SBNO2: variants seen among roughly 807,000 people sequenced by gnomAD.
SBNO2 encodes protein strawberry notch homolog 2.
In SBNO2, 89 loss-of-function variants were observed where a neutral mutation model predicts 146.3. The ratio of observed to expected loss-of-function variants is 0.61; its 90% CI spans 0.51 to 0.73. The LOEUF is 0.73. Among genes scored for constraint, SBNO2 ranks in the 30% least tolerant of loss-of-function variants. The pLI, the probability that SBNO2 is intolerant of heterozygous loss-of-function variation, is 0.00. For missense variants in SBNO2, 2,092 were observed against 2,003.7 expected, an observed-to-expected ratio of 1.04 and a Z score of -0.84; for synonymous variants, 1,147 against 892.6, an observed-to-expected ratio of 1.29 and a Z score of -5.08.
chr19:1,144,809 G>T lies in SBNO2; in HGVS notation c.279+2500C>A, dbSNP rs1470626451. On this transcript the variant is annotated intron_variant, in intron 4 of 31. Coordinates refer to ENST00000361757, the MANE Select transcript of SBNO2 (RefSeq NM_014963.3). This position sits in a 1 kb window ranked among gnomAD's most constrained non-coding sequence, Gnocchi z 4.1. ...ACAGAGACAGAGAGGGAGACAGAGA[G>T]ACAGAGACAGAGAGGGAGACAGAGA... Among the ~76,000 whole-genome samples, 1 of 151,018 alleles carries T rather than the reference G, an allele frequency of 6.6e-6. No individual in the cohort carries two copies. The highest frequency in any genetic ancestry group is 6.6e-5 in the Admixed American group (1 of 15,160).
At position 1,108,249 on chromosome 19, in the gene SBNO2, G is replaced by A. The variant is rs1157263320; in HGVS notation, c.4072C>T (p.Pro1358Ser). 6.6e-7 allele frequency: 1 copy of A among 1,526,642 alleles called. No homozygotes were observed. The highest frequency in any genetic ancestry group is 8.8e-7 in the Non-Finnish European group (1 of 1,135,110). 94.6% of individuals were successfully genotyped at this position (1,526,642 alleles called of 1,614,324 possible). Reference protein sequence around the residue: ...ERQSVIQFSPPFPGAQAPL With the variant: ...ERQSVIQFSPSFPGAQAPL The stretch of plus-strand genomic sequence containing the variant: ...AGAGGAGCCTGGGCGCCGGGGAAGG[G>A]TGGGCTGAACTGGATCACGCTCTGC... Residue 1358 changes from proline (P) to serine (S), a missense_variant, in exon 32 of 32, where the codon CCC (proline) becomes TCC (serine). Physicochemically the swap from Pro to Ser is moderately conservative, Grantham distance 74. Transcript: ENST00000361757.
At position 1,119,167 on chromosome 19, in the gene SBNO2, G is replaced by A. The variant is rs370299303; in HGVS notation, c.1374-3C>T. ...CGATCTCCATGGCGCCAACGCCCCT[G>A]CGGATGGACACAGCCCCCGTGAGCA... On this transcript the variant is annotated splice_region_variant and splice_polypyrimidine_tract_variant and intron_variant, in intron 13 of 31. Transcript: ENST00000361757. 3.2e-5 allele frequency: 51 copies of A among 1,593,474 alleles called. No homozygotes were observed. The highest frequency in any genetic ancestry group is 4.3e-5 in the Non-Finnish European group (50 of 1,172,632).
At chr19:1,128,215 G>T in intron 4 of SBNO2, 1 of 498,260 alleles carries the variant, frequency 2.0e-6, no homozygotes, top group Admixed American at 2.1e-5. Flanking sequence ...TCTGACTTCT[G>T]CAGCACCTGA....
rs79116708 is a variant in SBNO2 at position 1,147,032 on chromosome 19, C to T, written c.279+277G>A. ...GCATCTCTCCCAGCACCGCCCTCCC[C>T]GCAACTCCCTCTGTGGCATTGCCCA... is the stretch of plus-strand genomic sequence containing the variant. On this transcript the variant is annotated intron_variant, in intron 4 of 31. Coordinates refer to ENST00000361757, the MANE Select transcript of SBNO2 (RefSeq NM_014963.3). 2.0e-3 allele frequency among the ~76,000 whole-genome samples: 311 copies of T among 152,288 alleles called. 1 individual carries two copies. The highest frequency in any genetic ancestry group is 6.5e-3 in the African/African-American group (272 of 41,562).
At chr19:1,152,339 C>T (rs1293806697) in intron 2 of SBNO2, among the ~76,000 whole-genome samples, 1 of 152,216 alleles carries the variant, frequency 6.6e-6, no homozygotes, top group African/African-American at 2.4e-5. Context: ...ATTCCAGTTT[C>T]CTGCCACTAT....
rs544580270 is a variant in SBNO2 at position 1,126,821 on chromosome 19, G to A, written c.441+783C>T. Among the ~76,000 whole-genome samples the A allele has an allele frequency of 9.8e-5, 15 of 152,338 alleles. No homozygotes were observed. The highest frequency in any genetic ancestry group is 3.1e-4 in the African/African-American group (13 of 41,576). ...TTCTCTCGTGGACAGGCCCGGATTG[G>A]GGAAGGGACTTGCCAGGCCTGGCTC... On this transcript the variant is annotated intron_variant, in intron 5 of 31. Coordinates refer to ENST00000361757, the MANE Select transcript of SBNO2 (RefSeq NM_014963.3). This position sits in a 1 kb window ranked among gnomAD's most constrained non-coding sequence, Gnocchi z 4.4.
chr19:1,128,184 T>C, intron 4 of SBNO2: 1 of 488,742 alleles, frequency 2.0e-6, no homozygotes, highest in Non-Finnish European at 4.1e-6. Flanking sequence ...ACACCAACCC[T>C]CAGGGCCACG....
intron 1 of SBNO2, among the ~76,000 whole-genome samples, chr19:1,156,821 G>A (rs2080293747): frequency 6.6e-6 from 1 of 151,788 alleles, no homozygotes. Flanking sequence ...ATGCGTGGGT[G>A]CCGGGCTGGG....
chr19:1,165,248 C>G (rs1262945809), intron 1 of SBNO2, among the ~76,000 whole-genome samples: 2 of 152,156 alleles, frequency 1.3e-5, no homozygotes, highest in African/African-American at 2.4e-5. Context: ...CCCCACCAGG[C>G]ATGGTCAGCA....
rs923708523 is a variant in SBNO2, at chr19:1,140,134, C to T, written c.279+7175G>A. 6.6e-6 allele frequency among the ~76,000 whole-genome samples: 1 copy of T among 151,626 alleles called. No individual in the cohort carries two copies. The highest frequency in any genetic ancestry group is 1.5e-5 in the Non-Finnish European group (1 of 67,874). On this transcript the variant is annotated intron_variant, in intron 4 of 31. Transcript: ENST00000361757. This position sits in a 1 kb window ranked among gnomAD's most constrained non-coding sequence, Gnocchi z 4.4. ...CTAACACGGTGAAACCCCGTGTCCACTAAAAAACACAAAAAATTAGCTGGG... is the reference window on the plus strand; with the variant it reads ...CTAACACGGTGAAACCCCGTGTCCATTAAAAAACACAAAAAATTAGCTGGG...
At chr19:1,114,546 CT>C (rs1460793479) in intron 17 of SBNO2, 124 bp from the exon 18 acceptor site, 11 of 789,048 alleles carry the variant, frequency 1.4e-5, no homozygotes, top group Non-Finnish European at 2.1e-5. Context: ...CGAGAACCCC[CT>C]GCCTCTGGGC....
chr19:1,123,033 T>C lies in SBNO2; in HGVS notation c.641A>G (p.Lys214Arg). The C allele has an allele frequency of 1.3e-6, 2 of 1,592,170 alleles. No homozygotes were observed. Among genetic ancestry groups the C allele is most frequent in the Non-Finnish European group, 1.7e-6 (2 of 1,169,908 alleles). Residue 214 changes from lysine (K) to arginine (R), a missense_variant, in exon 8 of 32, where the codon AAG becomes AGG. Transcript: ENST00000361757. ...CTCCACCACGCGGTCTGGGTGCTGC[T>C]TCCCGATCTTGGCTGGAGGAGCAAG... ...DYVPSKSKIG[K>R]QHPDRVVETS...
chr19:1,160,974 G>C (rs541862332), intron 1 of SBNO2, among the ~76,000 whole-genome samples: 3 of 149,946 alleles, frequency 2.0e-5, no homozygotes, highest in African/African-American at 7.4e-5. Context: ...CCCGAGGACG[G>C]AAAGAAAGGG....
Position 1,139,658 on chromosome 19 carries a change from G to A in SBNO2, c.279+7651C>T, listed in dbSNP as rs557767363. ...AAAAATACAAAAATCAGCTGGGCGCGGTGGCGCACACCTGTAATCCCAGCT... is the reference window on the plus strand; with the variant it reads ...AAAAATACAAAAATCAGCTGGGCGCAGTGGCGCACACCTGTAATCCCAGCT... On this transcript the variant is annotated intron_variant, in intron 4 of 31. Transcript: ENST00000361757. 1.1e-4 allele frequency among the ~76,000 whole-genome samples: 16 copies of A among 152,276 alleles called. No individual in the cohort carries two copies. The South Asian group carries it at 2.3e-3, about 22-fold the overall frequency.
intron 4 of SBNO2, among the ~76,000 whole-genome samples, chr19:1,139,860 G>A (rs960354111): frequency 1.3e-5 from 2 of 152,056 alleles, no homozygotes; most frequent in African/African-American, 2.4e-5. Context: ...CAGGAGAATC[G>A]CTTGAACCTG....
chr19:1,108,747 G>A (rs117088896), intron 31 of SBNO2, 32 bp downstream of exon 31: 105,696 of 1,589,044 alleles, frequency 0.067, 4,139 homozygotes, highest in Non-Finnish European at 0.074. Context: ...CTGGGGGCTC[G>A]GGCCTTCCCG....
rs371964640 is a variant in SBNO2 at position 1,109,655 on chromosome 19, G to A, written c.3123+28C>T. 1.9e-6 allele frequency: 3 copies of A among 1,604,314 alleles called. No individual in the cohort carries two copies. Among genetic ancestry groups the A allele is most frequent in the African/African-American group, 2.7e-5 (2 of 74,734 alleles). ...GTGGTGGGGGCGGGGTGGGCAGAGT[G>A]TGAGGGGCTGTGGGGCTTCCTGCTG... On this transcript the variant is annotated intron_variant, in intron 27 of 31. Transcript: ENST00000361757. This position sits in a 1 kb window ranked among gnomAD's most constrained non-coding sequence, Gnocchi z 4.2.
At chr19:1,117,774 CAG>C (rs2145209916) in intron 14 of SBNO2, among the ~76,000 whole-genome samples, 1 of 152,378 alleles carries the variant, frequency 6.6e-6, no homozygotes, top group South Asian at 2.1e-4. Context: ...TCCAAGAACA[CAG>C]GGTGCTCGCA....
intron 18 of SBNO2, among the ~76,000 whole-genome samples, chr19:1,113,938 A>G (rs2079799602): frequency 6.6e-6 from 1 of 152,152 alleles, no homozygotes. Flanking sequence ...CTGTGACCTC[A>G]CTGCCTCCAC....
Sources: gnomAD v4.1 joint callset for allele counts (sites outside exome capture counted in the v4.1 genomes callset) on GRCh38, gnomAD v4.1.1 for gene constraint, Gnocchi (gnomAD v3.1) non-coding constraint, MANE v1.5 for transcripts, NCBI Gene and HGNC (gene_info 2026-07-23, HGNC 2026-07-21) for gene names.